The following ACACB variants were observed in gnomAD, a reference collection of about 807,000 sequenced individuals.
ACACB encodes the protein acetyl-CoA carboxylase 2.
Under a neutral mutation model 278.8 loss-of-function variants are expected in ACACB, and 209 were observed. The ratio of observed to expected loss-of-function variants is 0.75; its 90% CI spans 0.67 to 0.84. ACACB has a LOEUF of 0.84. ACACB is among the 40% of genes least tolerant of loss of function. The probability of loss-of-function intolerance (pLI) is 0.00; values close to 1 mark genes in which losing one functional copy is unlikely to be tolerated. For synonymous variants in ACACB, 1,174 were observed against 1,285.6 expected (o/e 0.91, Z 1.86); for missense variants, 2,850 against 3,269.0 (o/e 0.87, Z 3.13).
rs1255283228 is a variant in ACACB, at chr12:109,241,267, T to A, written c.5008T>A (p.Ser1670Thr). ...CAGCCTCTACAAAGAAGTGACTGAC[T>A]CCAGATCTGGAAATGTAAGGCTGGC... ...DISLYKEVTD[S>T]RSGNIMFHSF... The change falls in exon 36 of 53, where the codon TCC becomes ACC. Residue 1670 changes from serine to threonine, a missense_variant. Around this residue, in one of 3 missense-constraint regions of ACACB, gnomAD observed 2,265 missense variants for 2,561.3 expected, o/e 0.88. Transcript: ENST00000338432. 6.2e-7 allele frequency: 1 copy of A among 1,613,994 alleles called. No individual in the cohort carries two copies. Among genetic ancestry groups the A allele is most frequent in the Admixed American group, 1.7e-5 (1 of 59,994 alleles).
chr12:109,143,913 C>T (rs2043178312), intron 2 of ACACB, among the ~76,000 whole-genome samples: 1 of 152,032 alleles, frequency 6.6e-6, no homozygotes, highest in South Asian at 2.1e-4. Context: ...AGCATGGTGA[C>T]TCACGCGTTT....
At chr12:109,172,193 G>C in intron 5 of ACACB, 82 bp from the exon 6 acceptor site, 3 of 1,365,302 alleles carry the variant, frequency 2.2e-6, no homozygotes, top group Non-Finnish European at 2.1e-6. Flanking sequence ...AACTGCTGGG[G>C]TTATAGGCGT....
At chr12:109,175,862 C>T in intron 7 of ACACB, 69 bp from the exon 8 acceptor site, 7 of 1,367,434 alleles carry the variant, frequency 5.1e-6, no homozygotes, top group Non-Finnish European at 7.3e-6. Context: ...GGGAGAGGCG[C>T]TGTGGTTTCT....
chr12:109,210,365 GTA>G (rs1260238312), intron 21 of ACACB, among the ~76,000 whole-genome samples: 1 of 113,576 alleles, frequency 8.8e-6, no homozygotes, highest in East Asian at 3.2e-4. Flanking sequence ...GTGTATATAT[GTA>G]TATACACGCA....
Position 109,176,058 on chromosome 12 carries a change from G to C in ACACB, c.1326+18G>C, listed in dbSNP as rs781021969. On this transcript the variant is annotated intron_variant, in intron 8 of 52. Transcript: ENST00000338432. Reference sequence around the variant, plus strand: ...GCTTGGAGGTAAATGCAGAGCCTGTGGGGGCCAGGGGAGCCAGAACCGAAC... The same window carrying C: ...GCTTGGAGGTAAATGCAGAGCCTGTCGGGGCCAGGGGAGCCAGAACCGAAC... 6 of 1,613,278 alleles carry C rather than the reference G, an allele frequency of 3.7e-6. No homozygotes were observed. The highest frequency in any genetic ancestry group is 4.2e-6 in the Non-Finnish European group (5 of 1,179,172).
intron 7 of ACACB, among the ~76,000 whole-genome samples, chr12:109,175,711 G>A (rs1193707256): frequency 6.6e-6 from 1 of 152,162 alleles, no homozygotes; most frequent in Non-Finnish European, 1.5e-5. Flanking sequence ...GAGCCACCAC[G>A]CCTGGCAGTT....
intron 28 of ACACB, among the ~76,000 whole-genome samples, chr12:109,231,642 T>C (rs2046475418): frequency 6.6e-6 from 1 of 152,112 alleles, no homozygotes; most frequent in African/African-American, 2.4e-5. Flanking sequence ...TAGTCATGCT[T>C]ATAGCTCTGA....
At chr12:109,206,888 C>T (rs1158577479) in intron 20 of ACACB, 32 bp downstream of exon 20, 5 of 1,613,192 alleles carry the variant, frequency 3.1e-6, no homozygotes, top group Admixed American at 1.7e-5. Flanking sequence ...GGCGTGTAGA[C>T]CAGTGCGGAG....
At chr12:109,232,149 G>A (rs1484862929) in intron 28 of ACACB, among the ~76,000 whole-genome samples, 2 of 152,190 alleles carry the variant, frequency 1.3e-5, no homozygotes, top group African/African-American at 2.4e-5. Flanking sequence ...ACAACCTCAG[G>A]TGGCCCATTG....
At chr12:109,150,084 G>A (rs1357749573) in intron 2 of ACACB, among the ~76,000 whole-genome samples, 1 of 152,140 alleles carries the variant, frequency 6.6e-6, no homozygotes, top group South Asian at 2.1e-4. Flanking sequence ...TACAGCACTC[G>A]AAGCAGCACC....
Position 109,176,040 on chromosome 12 carries a change from G to A in ACACB, c.1326G>A (p.Glu442=), listed in dbSNP as rs1200945782. The change falls in exon 8 of 53, where the codon GAG becomes GAA. Residue 442 remains glutamate (E), a splice_region_variant and synonymous_variant. Transcript: ENST00000338432. Reference sequence around the variant, plus strand: ...TGAAAGACGTAGATGAGGGCTTGGAGGTAAATGCAGAGCCTGTGGGGGCCA... The same window carrying A: ...TGAAAGACGTAGATGAGGGCTTGGAAGTAAATGCAGAGCCTGTGGGGGCCA... The part of the protein sequence containing the change: ...GCVKDVDEGL[E]AAERIGFPLM... 4 of 1,614,076 alleles carry A rather than the reference G, an allele frequency of 2.5e-6. No individual in the cohort carries two copies. In the South Asian group the frequency reaches 4.4e-5, roughly 18 times the overall value.
chr12:109,133,238 CTT>C (rs1458411646), intron 1 of ACACB, among the ~76,000 whole-genome samples: 1 of 132,984 alleles, frequency 7.5e-6, no homozygotes, highest in Non-Finnish European at 1.6e-5. Context: ...CTGCACTTCT[CTT>C]TCTCTCTCTC....
At chr12:109,130,761 A>C (rs540536754) in intron 1 of ACACB, among the ~76,000 whole-genome samples, 1 of 152,092 alleles carries the variant, frequency 6.6e-6, no homozygotes, top group Admixed American at 6.6e-5. Flanking sequence ...TGAATTTGCA[A>C]AAGGACATTG....
intron 45 of ACACB, 54 bp downstream of exon 45, chr12:109,256,290 G>T: frequency 6.7e-7 from 1 of 1,503,602 alleles, no homozygotes. Flanking sequence ...AGGCATTGGG[G>T]CCCCGAGGTG....
intron 2 of ACACB, among the ~76,000 whole-genome samples, chr12:109,162,933 T>C (rs1295404062): frequency 2.0e-5 from 3 of 152,172 alleles, no homozygotes. Flanking sequence ...TTTTTCTTTT[T>C]CTTTTTTGAG....
intron 1 of ACACB, among the ~76,000 whole-genome samples, chr12:109,135,808 C>CCTT (rs751125309): frequency 8.5e-6 from 1 of 117,272 alleles, no homozygotes; most frequent in African/African-American, 3.0e-5. Flanking sequence ...AGAGGTAATA[C>CCTT]TTTTTTTTTT....
At chr12:109,183,295 ATT>A (rs766741424) in intron 11 of ACACB, among the ~76,000 whole-genome samples, 1 of 149,996 alleles carries the variant, frequency 6.7e-6, no homozygotes, top group African/African-American at 2.5e-5. Context: ...AAACTTTAGG[ATT>A]TTTTTTTCTA....
intron 13 of ACACB, among the ~76,000 whole-genome samples, chr12:109,190,779 C>T (rs949053489): frequency 6.6e-6 from 1 of 152,028 alleles, no homozygotes; most frequent in East Asian, 1.9e-4. Context: ...AGTCACATAC[C>T]ATCACGCTTG....
At position 109,176,266 on chromosome 12, in the gene ACACB, G is replaced by A; in HGVS notation, c.1437+3G>A. The A allele has an allele frequency of 6.2e-7, 1 of 1,612,936 alleles. No individual in the cohort carries two copies. Among genetic ancestry groups the A allele is most frequent in the Non-Finnish European group, 8.5e-7 (1 of 1,178,870 alleles). ...ACTTCCCGATCCTTTTCAGACAAGT[G>A]AGCAGTTCTTGCTGTGTCTTTTCGC... On this transcript the variant is annotated splice_donor_region_variant and intron_variant, in intron 9 of 52. Transcript: ENST00000338432.
Sources: gnomAD v4.1 joint callset for allele counts (sites outside exome capture counted in the v4.1 genomes callset) on GRCh38, gnomAD v4.1.1 for gene constraint, gnomAD v4.1.1 regional missense constraint, MANE v1.5 for transcripts, NCBI Gene and HGNC (gene_info 2026-07-23, HGNC 2026-07-21) for gene names.